Variants in CLEC1A observed in about 807,000 individuals in gnomAD.
The protein encoded by CLEC1A is C-type lectin domain family 1 member A.
A neutral mutation model predicts 28.7 loss-of-function variants in CLEC1A; 34 were observed. That is an observed-to-expected ratio of 1.18 (90% CI 0.90 to 1.57). CLEC1A has a LOEUF of 1.57. CLEC1A is among the 40% of genes most tolerant of loss of function. The pLI is 0.00. For missense variants in CLEC1A, 385 were observed against 339.5 expected (o/e 1.13, Z -1.05); for synonymous variants, 116 against 121.0 (o/e 0.96, Z 0.27).
At chr12:10,094,728 T>C (rs1449565269) in intron 1 of CLEC1A, among the ~76,000 whole-genome samples, 1 of 152,140 alleles carries the variant, frequency 6.6e-6, no homozygotes, top group African/African-American at 2.4e-5. Context: ...GCTTGCAACT[T>C]TTCCCTTCTA....
At chr12:10,078,012 T>C (rs544270216) in intron 3 of CLEC1A, among the ~76,000 whole-genome samples, 2 of 152,316 alleles carry the variant, frequency 1.3e-5, no homozygotes, top group South Asian at 4.1e-4. Context: ...CTTTCATTTC[T>C]CACACATCAA....
chr12:10,083,986 C>A (rs982210776), intron 2 of CLEC1A, among the ~76,000 whole-genome samples: 1 of 112,378 alleles, frequency 8.9e-6, no homozygotes, highest in Non-Finnish European at 1.9e-5. Flanking sequence ...CCCAATCTGA[C>A]AAAGACAAAG....
chr12:10,075,722 TATAGTATTTG>T, intron 3 of CLEC1A, 67 bp from the exon 4 acceptor site: 1 of 1,418,450 alleles, frequency 7.0e-7, no homozygotes. Flanking sequence ...CTTGAAATTA[TATAGTATTTG>T]ATGTCCTAAG....
rs1226326518 is a variant in CLEC1A at position 10,071,470 on chromosome 12, A to G, written c.706T>C (p.Cys236Arg). 4.3e-6 allele frequency: 7 copies of G among 1,613,276 alleles called. No homozygotes were observed. The highest frequency in any genetic ancestry group is 4.2e-6 in the Non-Finnish European group (5 of 1,179,578). Residue 236 changes from cysteine (C) to arginine (R), a missense_variant, in exon 6 of 6, where the codon TGT (cysteine) becomes CGT (arginine). Coordinates refer to ENST00000315330, the MANE Select transcript of CLEC1A (RefSeq NM_016511.4). ...ATCATCCCATTAAGGATGGCCACAC[A>G]GTCTCTGCTTCTTGGGCTGGTGACA... ...IDVTSPRSRD[C>R]VAILNGMIFS...
At chr12:10,077,138 A>G (rs1565600185) in intron 3 of CLEC1A, among the ~76,000 whole-genome samples, 1 of 152,220 alleles carries the variant, frequency 6.6e-6, no homozygotes, top group African/African-American at 2.4e-5. Context: ...GTGAGAGACT[A>G]AAGGACTGAG....
chr12:10,089,057 C>G, intron 2 of CLEC1A, 67 bp downstream of exon 2: 2 of 1,206,320 alleles, frequency 1.7e-6, no homozygotes, highest in South Asian at 2.5e-5. Flanking sequence ...AAATCCATAA[C>G]AAGTGTTTCT....
chr12:10,082,578 C>T (rs184642878), intron 2 of CLEC1A, among the ~76,000 whole-genome samples: 1 of 152,294 alleles, frequency 6.6e-6, no homozygotes, highest in Admixed American at 6.5e-5. Flanking sequence ...TCTATGCACC[C>T]TGGTACCCAA....
intron 4 of CLEC1A, among the ~76,000 whole-genome samples, chr12:10,073,849 G>T (rs189753650): frequency 6.6e-6 from 1 of 152,200 alleles, no homozygotes; most frequent in East Asian, 1.9e-4. Context: ...AAAAGTAAAA[G>T]AAAAATTTGC....
intron 3 of CLEC1A, among the ~76,000 whole-genome samples, chr12:10,076,171 T>A (rs1361419472): frequency 2.6e-5 from 4 of 152,184 alleles, no homozygotes; most frequent in African/African-American, 7.2e-5. Flanking sequence ...GTGTCACAAA[T>A]TAAATTGGGC....
In CLEC1A at chr12:10,098,794, AG is replaced by A. The variant is rs774918290; in HGVS notation, c.115+13del. ...AAGGACTGTGGTCTATTTGGACTCC[AG>A]GAGACAGGGTACCTGTGCGCCGGGG... On this transcript the variant is annotated intron_variant, in intron 1 of 5. Transcript: ENST00000315330. The A allele has an allele frequency of 6.3e-7, 1 of 1,587,164 alleles. No individual in the cohort carries two copies. Among genetic ancestry groups the A allele is most frequent in the Non-Finnish European group, 8.6e-7 (1 of 1,157,940 alleles).
chr12:10,092,882 A>AT (rs1293827134), intron 1 of CLEC1A, among the ~76,000 whole-genome samples: 2 of 151,982 alleles, frequency 1.3e-5, no homozygotes. Context: ...ATATTTTGAA[A>AT]TTTTTCTTCT....
At position 10,075,491 on chromosome 12, in the gene CLEC1A, C is replaced by T. The variant is rs747501558; in HGVS notation, c.543+13G>A. 2.5e-6 allele frequency: 4 copies of T among 1,612,904 alleles called. No homozygotes were observed. In the African/African-American group the frequency reaches 5.3e-5, roughly 22 times the overall value. ...TGAAATCCTTCAAACATTGAAAAGC[C>T]TCAGAATCTTACCAGGTCTTCTTGT... On this transcript the variant is annotated intron_variant, in intron 4 of 5. Coordinates refer to ENST00000315330, the MANE Select transcript of CLEC1A (RefSeq NM_016511.4).
chr12:10,071,644 A>T (rs996974257), intron 5 of CLEC1A, 131 bp from the exon 6 acceptor site: 23 of 688,450 alleles, frequency 3.3e-5, no homozygotes, highest in Admixed American at 1.5e-4. Context: ...AACTGGGGTC[A>T]TGTGCCTCTT....
intron 1 of CLEC1A, among the ~76,000 whole-genome samples, chr12:10,096,706 T>C (rs1282798349): frequency 6.6e-6 from 1 of 152,196 alleles, no homozygotes; most frequent in Non-Finnish European, 1.5e-5. Context: ...ATATTGCTTA[T>C]AGTTCTCTAA....
rs1188557671 is a variant in CLEC1A, at chr12:10,098,930, C to T, written c.-8G>A. 2 of 1,600,174 alleles carry T rather than the reference C, an allele frequency of 1.2e-6. No homozygotes were observed. Among genetic ancestry groups the T allele is most frequent in the Non-Finnish European group, 8.5e-7 (1 of 1,170,000 alleles). ...GCTGTACTTGGCCTGCATCTGGATT[C>T]CTACAGCGGTGAGAGTGAAATGTGG... is the stretch of plus-strand genomic sequence containing the variant. On this transcript the variant is annotated 5_prime_UTR_variant, in exon 1 of 6. Transcript: ENST00000315330.
intron 2 of CLEC1A, among the ~76,000 whole-genome samples, chr12:10,082,566 T>C (rs1866394558): frequency 6.6e-6 from 1 of 152,088 alleles, no homozygotes; most frequent in Non-Finnish European, 1.5e-5. Flanking sequence ...TGATGTTTTT[T>C]CTCTATGCAC....
chr12:10,069,898 T>A lies in CLEC1A; in HGVS notation c.*1435A>T, dbSNP rs1866090899. On this transcript the variant is annotated 3_prime_UTR_variant, in exon 6 of 6. Coordinates refer to ENST00000315330, the MANE Select transcript of CLEC1A (RefSeq NM_016511.4). ...GAGCACCAATGTGTTCTTTCTATCA[T>A]ATGATTGCTACTATACGTCATTTTA... 1 of 152,260 alleles carries A rather than the reference T, an allele frequency of 6.6e-6. No homozygotes were observed. The highest frequency in any genetic ancestry group is 2.1e-4 in the South Asian group (1 of 4,836). 9.4% of individuals were successfully genotyped at this position (152,260 alleles called of 1,614,324 possible).
chr12:10,094,980 T>C (rs922825965), intron 1 of CLEC1A, among the ~76,000 whole-genome samples: 2 of 151,804 alleles, frequency 1.3e-5, no homozygotes, highest in African/African-American at 4.8e-5. Context: ...CATTCATTCC[T>C]ATATTGCTTC....
chr12:10,095,221 C>T (rs530922455), intron 1 of CLEC1A, among the ~76,000 whole-genome samples: 117 of 152,076 alleles, frequency 7.7e-4, no homozygotes, highest in Middle Eastern at 3.4e-3. Context: ...AAAACTAAAA[C>T]GCTGGGAAAT....
Sources: allele counts gnomAD v4.1 joint callset (sites outside exome capture counted in the v4.1 genomes callset), GRCh38; gene constraint gnomAD v4.1.1; transcripts MANE v1.5; gene names NCBI Gene and HGNC (gene_info 2026-07-23, HGNC 2026-07-21).